Variants in PNPLA1 observed in about 807,000 individuals in gnomAD.
PNPLA1 encodes omega-hydroxyceramide transacylase.
PNPLA1 carries 36 observed loss-of-function variants against 51.7 expected under a neutral mutation model. That is an observed-to-expected ratio of 0.70 (90% CI 0.53 to 0.92). The LOEUF (loss-of-function observed/expected upper bound fraction) is 0.92. PNPLA1 is among the 40% of genes least tolerant of loss of function. PNPLA1 has a pLI of 0.00. For synonymous variants in PNPLA1, 293 were observed against 280.1 expected (o/e 1.05, Z -0.46); for missense variants, 658 against 682.5 (o/e 0.96, Z 0.40).
At chr6:36,270,773 G>A (rs1365036949) in intron 1 of PNPLA1, 109 bp downstream of exon 1, 1 of 1,296,570 alleles carries the variant, frequency 7.7e-7, no homozygotes, top group Non-Finnish European at 1.1e-6. Flanking sequence ...CCAGGCCTGG[G>A]TGGCAGGAAG....
intron 5 of PNPLA1, among the ~76,000 whole-genome samples, chr6:36,295,829 G>T (rs1275246819): frequency 6.6e-6 from 1 of 152,160 alleles, no homozygotes; most frequent in Non-Finnish European, 1.5e-5. Flanking sequence ...GATGTCACTA[G>T]TTTATATTTG....
chr6:36,286,609 C>A (rs1033083618), intron 1 of PNPLA1, among the ~76,000 whole-genome samples: 5 of 152,080 alleles, frequency 3.3e-5, no homozygotes, highest in African/African-American at 1.2e-4. Flanking sequence ...AAGAAAGACT[C>A]TCTGAGTGGC....
upstream of PNPLA1, among the ~76,000 whole-genome samples, chr6:36,268,572 C>T (rs563651630): frequency 8.5e-5 from 13 of 152,266 alleles, no homozygotes; most frequent in African/African-American, 2.9e-4. Context: ...CCTCCAGTCC[C>T]GCAGCCCACA....
intron 1 of PNPLA1, among the ~76,000 whole-genome samples, chr6:36,257,796 C>T (rs1483094899): frequency 1.3e-5 from 2 of 152,128 alleles, no homozygotes; most frequent in Non-Finnish European, 2.9e-5. Flanking sequence ...GTCACATTTT[C>T]CTGCTTCTAA....
chr6:36,285,310 G>A (rs1297666913), intron 1 of PNPLA1, among the ~76,000 whole-genome samples: 2 of 152,162 alleles, frequency 1.3e-5, no homozygotes, highest in Admixed American at 6.5e-5. Flanking sequence ...CGGCGGCGCC[G>A]CCGCCTCGCA....
rs1771277756 is a variant in PNPLA1 at position 36,307,575 on chromosome 6, C to G, written c.1470-12C>G. ...GCCCATAATGAACCATCTACTTAAT[C>G]TCTTTGCCTAGGGAGAGCCCTGCTG... On this transcript the variant is annotated splice_polypyrimidine_tract_variant and intron_variant, in intron 7 of 8. Coordinates refer to ENST00000636260, the MANE Select transcript of PNPLA1 (RefSeq NM_001374623.1). 1.2e-6 allele frequency: 2 copies of G among 1,612,582 alleles called. No homozygotes were observed. Among genetic ancestry groups the G allele is most frequent in the South Asian group, 1.1e-5 (1 of 90,958 alleles).
At position 36,302,361 on chromosome 6, in the gene PNPLA1, T is replaced by C. The variant is rs1771086891; in HGVS notation, c.1276T>C (p.Ser426Pro). 6.2e-7 allele frequency: 1 copy of C among 1,609,336 alleles called. No homozygotes were observed. The highest frequency in any genetic ancestry group is 8.5e-7 in the Non-Finnish European group (1 of 1,176,802). The change falls in exon 6 of 9, where the codon TCC (serine) becomes CCC (proline). Residue 426 changes from serine (S) to proline (P), a missense_variant. Ser to Pro is a moderately conservative substitution (Grantham distance 74). Transcript: ENST00000636260. ...HSQAPTSPRP[S>P]LGPSTVGAPQ... ...TCAGGCACCCACTTCACCCAGGCCATCCCTGGGGCCTTCAACTGTGGGGGC... is the reference window on the plus strand; with the variant it reads ...TCAGGCACCCACTTCACCCAGGCCACCCCTGGGGCCTTCAACTGTGGGGGC...
In PNPLA1 at chr6:36,307,842, C is replaced by A. The variant is rs962774924; in HGVS notation, c.1595+130C>A. 2.2e-5 allele frequency: 26 copies of A among 1,192,324 alleles called. No homozygotes were observed. The African/African-American group carries it at 3.8e-4, about 17-fold the overall frequency. 73.9% of individuals were successfully genotyped at this position (1,192,324 alleles called of 1,614,324 possible). The stretch of plus-strand genomic sequence containing the variant: ...TGCAGTGGGAGATTGGGCTTTGGAA[C>A]AGACACATCCGACATAAAATTCCTG... On this transcript the variant is annotated intron_variant, in intron 8 of 8. Transcript: ENST00000636260.
At chr6:36,292,059 A>C (rs1296408513) in intron 2 of PNPLA1, among the ~76,000 whole-genome samples, 1 of 152,182 alleles carries the variant, frequency 6.6e-6, no homozygotes, top group African/African-American at 2.4e-5. Flanking sequence ...CGCTGCCCTA[A>C]GCTCATTAAT....
intron 1 of PNPLA1, among the ~76,000 whole-genome samples, chr6:36,248,101 C>T (rs1769337832): frequency 6.6e-6 from 1 of 152,206 alleles, no homozygotes; most frequent in South Asian, 2.1e-4. Context: ...AGTCACTTGC[C>T]CGATTGTCCA....
chr6:36,255,706 A>G (rs1388132971), intron 1 of PNPLA1, among the ~76,000 whole-genome samples: 1 of 151,946 alleles, frequency 6.6e-6, no homozygotes, highest in African/African-American at 2.4e-5. Context: ...AAAAAATCTA[A>G]CTGACAGCAT....
In PNPLA1 at chr6:36,313,726, T is replaced by G. The variant is rs1411946916; in HGVS notation, c.*1840T>G. 6.6e-6 allele frequency among the ~76,000 whole-genome samples: 1 copy of G among 152,220 alleles called. No homozygotes were observed. The highest frequency in any genetic ancestry group is 1.5e-5 in the Non-Finnish European group (1 of 68,034). On this transcript the variant is annotated 3_prime_UTR_variant, in exon 9 of 9. Coordinates refer to ENST00000636260, the MANE Select transcript of PNPLA1 (RefSeq NM_001374623.1). ...AGAGAGGCCCGCCCGGCCGCAGGCC[T>G]TTCTTCCAGGAGTGGCCTCCATGTT...
At chr6:36,289,095 G>C (rs1770595117) in intron 1 of PNPLA1, among the ~76,000 whole-genome samples, 1 of 152,164 alleles carries the variant, frequency 6.6e-6, no homozygotes, top group Non-Finnish European at 1.5e-5. Flanking sequence ...TAGTCTCTAG[G>C]AGGAGGGATT....
intron 1 of PNPLA1, among the ~76,000 whole-genome samples, chr6:36,256,419 G>A (rs1442727237): frequency 6.6e-6 from 1 of 151,812 alleles, no homozygotes; most frequent in East Asian, 1.9e-4. Flanking sequence ...CACTTATGAT[G>A]CTCTAAGAAA....
In PNPLA1 at chr6:36,288,186, G is replaced by A. The variant is rs1049392691; in HGVS notation, c.206-3134G>A. 1.6e-4 allele frequency among the ~76,000 whole-genome samples: 24 copies of A among 152,336 alleles called. No individual in the cohort carries two copies. In the South Asian group the frequency reaches 2.3e-3, roughly 14 times the overall value. On this transcript the variant is annotated intron_variant, in intron 1 of 8. Transcript: ENST00000636260. ...TAAGGAAAATAAGTATATGGATAAA[G>A]AAGCTAGCATGAGATTGTTCATTGC...
At chr6:36,269,120 A>G (rs1166354350), upstream of PNPLA1, among the ~76,000 whole-genome samples, 1 of 152,222 alleles carries the variant, frequency 6.6e-6, no homozygotes, top group African/African-American at 2.4e-5. Context: ...TCCCATGCAG[A>G]TAAGTGAGTC....
At chr6:36,288,619 A>ATT (rs35816275) in intron 1 of PNPLA1, among the ~76,000 whole-genome samples, 9 of 144,514 alleles carry the variant, frequency 6.2e-5, no homozygotes, top group Middle Eastern at 3.5e-3. Context: ...CGCCCGGCTA[A>ATT]TTTTTTTTTT....
intron 4 of PNPLA1, among the ~76,000 whole-genome samples, chr6:36,295,093 A>G (rs1446044968): frequency 6.6e-6 from 1 of 152,196 alleles, no homozygotes; most frequent in Non-Finnish European, 1.5e-5. Context: ...TGGTTCTGCC[A>G]TGAGCACCCC....
intron 1 of PNPLA1, among the ~76,000 whole-genome samples, chr6:36,275,005 G>A (rs546243067): frequency 5.3e-5 from 8 of 151,980 alleles, no homozygotes; most frequent in Admixed American, 2.6e-4. Context: ...ATTTTGCTTC[G>A]ATGTCTTTTG....
Sources: gnomAD v4.1 joint callset for allele counts (sites outside exome capture counted in the v4.1 genomes callset) on GRCh38, gnomAD v4.1.1 for gene constraint, MANE v1.5 for transcripts, NCBI Gene and HGNC (gene_info 2026-07-23, HGNC 2026-07-21) for gene names.